The following OXR1 variants were observed in gnomAD, a reference collection of about 807,000 sequenced individuals.
OXR1 encodes the protein oxidation resistance protein 1.
OXR1 carries 41 observed loss-of-function variants against 104.6 expected under a neutral mutation model. That is an observed-to-expected ratio of 0.39 (90% CI 0.31 to 0.51). The LOEUF (loss-of-function observed/expected upper bound fraction) is 0.51, where lower values mean the gene tolerates loss of function less well. OXR1 is among the 20% of genes least tolerant of loss of function. The pLI is 0.77. For missense variants in OXR1, 955 were observed against 1,031.9 expected, an observed-to-expected ratio of 0.93 and a Z score of 1.02; for synonymous variants, 348 against 348.4, an observed-to-expected ratio of 1.00 and a Z score of 0.01.
At chr8:106,415,908 T>C (rs1366500476) in intron 2 of OXR1, among the ~76,000 whole-genome samples, 2 of 152,188 alleles carry the variant, frequency 1.3e-5, no homozygotes, top group African/African-American at 4.8e-5. Context: ...CAAATATTTA[T>C]TCCATGGAGT....
intron 3 of OXR1, among the ~76,000 whole-genome samples, chr8:106,676,327 T>C (rs754601313): frequency 6.6e-6 from 1 of 152,192 alleles, no homozygotes; most frequent in South Asian, 2.1e-4. Context: ...AGTATTGTTA[T>C]GTGTGGATTT....
At chr8:106,487,114 C>T (rs958230069) in intron 2 of OXR1, among the ~76,000 whole-genome samples, 1 of 151,176 alleles carries the variant, frequency 6.6e-6, no homozygotes, top group African/African-American at 2.4e-5. Flanking sequence ...AACTTCACCT[C>T]CCGGGTTCAA....
At chr8:106,730,833 T>A (rs1833819189) in intron 11 of OXR1, among the ~76,000 whole-genome samples, 1 of 151,042 alleles carries the variant, frequency 6.6e-6, no homozygotes, top group Non-Finnish European at 1.5e-5. Flanking sequence ...GAGGCTGAAG[T>A]GGGAGGAGTT....
At chr8:106,284,744 G>A (rs1328331161) in intron 1 of OXR1, among the ~76,000 whole-genome samples, 1 of 151,966 alleles carries the variant, frequency 6.6e-6, no homozygotes, top group Non-Finnish European at 1.5e-5. Context: ...TTTGTCATTT[G>A]CCTTTGAAGA....
chr8:106,739,440 C>G lies in OXR1; in HGVS notation c.2038-18C>G. On this transcript the variant is annotated intron_variant, in intron 12 of 16. Transcript: ENST00000517566. ...TCACAAGTTTACATTAATGCACTAC[C>G]TCTATTTACTGTTTTAGATTACTAC... 1.9e-6 allele frequency: 3 copies of G among 1,604,670 alleles called. No individual in the cohort carries two copies. Among genetic ancestry groups the G allele is most frequent in the Non-Finnish European group, 2.6e-6 (3 of 1,173,684 alleles).
chr8:106,581,516 C>A (rs1467727470), intron 3 of OXR1, among the ~76,000 whole-genome samples: 1 of 151,038 alleles, frequency 6.6e-6, no homozygotes, highest in African/African-American at 2.4e-5. Context: ...TTAAAAAAAA[C>A]CTTTTAAACA....
intron 3 of OXR1, 78 bp downstream of exon 3, chr8:106,519,217 T>C: frequency 1.1e-6 from 1 of 884,178 alleles, no homozygotes; most frequent in East Asian, 2.7e-5. Flanking sequence ...GTCTGTTTAG[T>C]TAAGTGGCTC....
intron 1 of OXR1, among the ~76,000 whole-genome samples, chr8:106,321,819 T>A (rs188613439): frequency 3.0e-4 from 46 of 152,302 alleles, no homozygotes; most frequent in African/African-American, 9.6e-4. Flanking sequence ...CAAATAAGTA[T>A]CTGTGATGTT....
chr8:106,364,977 A>C (rs1816404727), intron 2 of OXR1, among the ~76,000 whole-genome samples: 1 of 152,210 alleles, frequency 6.6e-6, no homozygotes, highest in South Asian at 2.1e-4. Flanking sequence ...GAGGAAGTAG[A>C]GACTTGAACT....
Position 106,607,042 on chromosome 8 carries a change from G to T in OXR1, c.221-72168G>T, listed in dbSNP as rs573546679. Among the ~76,000 whole-genome samples, 5 of 152,208 alleles carry T rather than the reference G, an allele frequency of 3.3e-5. No individual in the cohort carries two copies. The East Asian group carries it at 9.7e-4, about 30-fold the overall frequency. ...AACACCTTTCACAAACAGTAGTTTT[G>T]GCACTTTGCCTACCAAGCTGAAAAA... On this transcript the variant is annotated intron_variant, in intron 3 of 16. Transcript: ENST00000517566.
At chr8:106,694,754 A>T (rs183485504) in intron 7 of OXR1, among the ~76,000 whole-genome samples, 3 of 102,426 alleles carry the variant, frequency 2.9e-5, no homozygotes, top group African/African-American at 8.0e-5. Flanking sequence ...TTATATATTA[A>T]TATATATATT....
intron 2 of OXR1, among the ~76,000 whole-genome samples, chr8:106,485,734 G>C (rs1246012474): frequency 2.6e-5 from 4 of 152,030 alleles, no homozygotes; most frequent in Non-Finnish European, 5.9e-5. Flanking sequence ...TGAATGGATG[G>C]AGAAAATGAG....
intron 3 of OXR1, among the ~76,000 whole-genome samples, chr8:106,660,201 A>G (rs1442927231): frequency 1.3e-5 from 2 of 152,348 alleles, no homozygotes; most frequent in South Asian, 2.1e-4. Flanking sequence ...GGCAACGTGT[A>G]TATACACAAG....
intron 2 of OXR1, among the ~76,000 whole-genome samples, chr8:106,386,147 A>G (rs1817362853): frequency 1.3e-5 from 2 of 152,290 alleles, no homozygotes; most frequent in Non-Finnish European, 1.5e-5. Context: ...ACTGTCTACT[A>G]TCCCGTAATA....
At chr8:106,292,625 A>C (rs1397534578) in intron 1 of OXR1, among the ~76,000 whole-genome samples, 1 of 152,170 alleles carries the variant, frequency 6.6e-6, no homozygotes, top group Non-Finnish European at 1.5e-5. Context: ...TACATAATAA[A>C]AGCTTTGAAG....
chr8:106,657,848 C>G (rs960590063), intron 3 of OXR1: 4 of 1,239,126 alleles, frequency 3.2e-6, no homozygotes, highest in Admixed American at 4.2e-5. Context: ...CCCCCTCCTC[C>G]TCCCCGCCTC....
At chr8:106,291,100 A>G (rs1231934454) in intron 1 of OXR1, among the ~76,000 whole-genome samples, 1 of 152,210 alleles carries the variant, frequency 6.6e-6, no homozygotes, top group East Asian at 1.9e-4. Flanking sequence ...ACATCATGGA[A>G]TACTATGCAG....
At chr8:106,447,800 C>A in intron 2 of OXR1, 2 of 994,000 alleles carry the variant, frequency 2.0e-6, no homozygotes, top group Admixed American at 3.0e-5. Flanking sequence ...CACCGAACGG[C>A]ATATTCTTTG....
chr8:106,510,320 A>G (rs1412230636), intron 2 of OXR1, among the ~76,000 whole-genome samples: 1 of 152,222 alleles, frequency 6.6e-6, no homozygotes, highest in Non-Finnish European at 1.5e-5. Context: ...TGAAATGATG[A>G]ACAGACTAGA....
Sources: allele counts gnomAD v4.1 joint callset (sites outside exome capture counted in the v4.1 genomes callset), GRCh38; gene constraint gnomAD v4.1.1; transcripts MANE v1.5; gene names NCBI Gene and HGNC (gene_info 2026-07-23, HGNC 2026-07-21).